The following ZNF559 variants were observed in gnomAD, a reference collection of about 807,000 sequenced individuals.
ZNF559 encodes the protein putative protein product of Nbla00121.
In ZNF559, 17 loss-of-function variants were observed where a neutral mutation model predicts 14.2. That is an observed-to-expected ratio of 1.20 (90% CI 0.82 to 1.80). ZNF559 has a LOEUF of 1.80. ZNF559 is among the 40% of genes most tolerant of loss of function. The pLI is 0.00. For synonymous variants in ZNF559, 244 were observed against 212.4 expected (o/e 1.15, Z -1.29); for missense variants, 740 against 629.7 (o/e 1.18, Z -1.88).
intron 2 of ZNF559, chr19:9,332,925 G>T (rs1226480221): frequency 1.3e-5 from 2 of 152,162 alleles, no homozygotes; most frequent in African/African-American, 4.8e-5. Flanking sequence ...ACCCTTGGAA[G>T]TTCTACATTC....
At chr19:9,334,194 C>G (rs1244683443) in intron 2 of ZNF559, among the ~76,000 whole-genome samples, 1 of 152,200 alleles carries the variant, frequency 6.6e-6, no homozygotes. Flanking sequence ...CATGAATAAA[C>G]CATGCTATAC....
chr19:9,324,136 T>C (rs1186159136), upstream of ZNF559: 1 of 1,533,514 alleles, frequency 6.5e-7, no homozygotes, highest in African/African-American at 1.4e-5. Flanking sequence ...GCCCCCTAGG[T>C]GGTCCTAGCC....
chr19:9,325,224 C>CACGAGGTCAGGA (rs2066514929), intron 2 of ZNF559, among the ~76,000 whole-genome samples: 2 of 151,918 alleles, frequency 1.3e-5, no homozygotes, highest in African/African-American at 4.8e-5. Flanking sequence ...GCTGGAGGAT[C>CACGAGGTCAGGA]GCTTGAGCCC....
chr19:9,339,959 T>G (rs866671287), intron 5 of ZNF559, among the ~76,000 whole-genome samples: 44 of 103,982 alleles, frequency 4.2e-4, no homozygotes, highest in African/African-American at 1.5e-3. Context: ...TTTTTTTTTT[T>G]GTATTTTTAG....
Position 9,324,199 on chromosome 19 carries a change from C to A in ZNF559, c.-235C>A. Reference sequence around the variant, plus strand: ...GGCGCATGCGCATAACGGCCGCCATCTTAACAGCGCGTTCCCGTTGGCGTC... The same window carrying A: ...GGCGCATGCGCATAACGGCCGCCATATTAACAGCGCGTTCCCGTTGGCGTC... On this transcript the variant is annotated 5_prime_UTR_variant, in exon 1 of 7. Transcript: ENST00000603380. The A allele has an allele frequency of 6.5e-7, 1 of 1,536,084 alleles. No homozygotes were observed. The highest frequency in any genetic ancestry group is 8.7e-7 in the Non-Finnish European group (1 of 1,146,876).
At chr19:9,329,076 T>A (rs1037676593) in intron 2 of ZNF559, among the ~76,000 whole-genome samples, 2 of 94,414 alleles carry the variant, frequency 2.1e-5, no homozygotes, top group African/African-American at 1.0e-4. Flanking sequence ...TGTTTTTTTG[T>A]TTTTTGGGCT....
Position 9,338,583 on chromosome 19 carries a change from G to C in ZNF559, c.33+1G>C. ...TGGGTGGTTGACAAATTACTCTCAG[G>C]TAAGTAGGAAATTGCTTTTTCTGTA... On this transcript the variant is annotated splice_donor_variant, in intron 4 of 6. Coordinates refer to ENST00000603380, the MANE Select transcript of ZNF559 (RefSeq NM_032497.3). LOFTEE classifies it high-confidence loss of function. 2 of 1,612,390 alleles carry C rather than the reference G, an allele frequency of 1.2e-6. No individual in the cohort carries two copies. Among genetic ancestry groups the C allele is most frequent in the Non-Finnish European group, 1.7e-6 (2 of 1,178,512 alleles).
In ZNF559 at chr19:9,324,688, C is replaced by A; in HGVS notation, c.-205-7C>A. The A allele has an allele frequency of 6.6e-7, 1 of 1,518,284 alleles. No individual in the cohort carries two copies. Among genetic ancestry groups the A allele is most frequent in the South Asian group, 1.2e-5 (1 of 83,566 alleles). 94.1% of individuals were successfully genotyped at this position (1,518,284 alleles called of 1,614,324 possible). ...CCACATCCAGCGTTGTGCCTTTTCTCTATAAGGAACAGCATCTCTGCCTTC... is the reference window on the plus strand; with the variant it reads ...CCACATCCAGCGTTGTGCCTTTTCTATATAAGGAACAGCATCTCTGCCTTC... On this transcript the variant is annotated splice_region_variant and splice_polypyrimidine_tract_variant and intron_variant, in intron 1 of 6. Transcript: ENST00000603380.
Position 9,342,042 on chromosome 19 carries a change from C to T in ZNF559, c.591C>T (p.Ser197=). Residue 197 remains serine, a synonymous_variant, in exon 7 of 7, where the codon TCC becomes TCT. Transcript: ENST00000603380. ...ACTGTGAAAAAGGCTTACCTTCCTC[C>T]TCACACCTCAGAGAATGTGTAAGAA... The part of the protein sequence containing the change: ...CSDCEKGLPS[S]SHLRECVRIY... 2 of 1,610,874 alleles carry T rather than the reference C, an allele frequency of 1.2e-6. No homozygotes were observed. The highest frequency in any genetic ancestry group is 1.7e-6 in the Non-Finnish European group (2 of 1,178,940).
intron 2 of ZNF559, among the ~76,000 whole-genome samples, chr19:9,328,896 G>T (rs972795088): frequency 1.2e-4 from 19 of 152,232 alleles, no homozygotes; most frequent in African/African-American, 4.6e-4. Flanking sequence ...AAGCCCTCCA[G>T]GTGAAAGTGG....
chr19:9,342,341 A>G lies in ZNF559; in HGVS notation c.890A>G (p.Tyr297Cys), dbSNP rs766581621. Residue 297 changes from tyrosine to cysteine, a missense_variant, in exon 7 of 7, where the codon TAT (tyrosine) becomes TGT (cysteine). By Grantham distance (194) the Tyr-to-Cys change is radical. Coordinates refer to ENST00000603380, the MANE Select transcript of ZNF559 (RefSeq NM_032497.3). ...HIRLRTRGKHYVCNECGKEFT... is the reference protein window; with the variant it reads ...HIRLRTRGKHCVCNECGKEFT... Reference sequence around the variant, plus strand: ...AGACTTAGAACTAGAGGAAAACACTATGTTTGTAATGAATGTGGCAAAGAA... The same window carrying G: ...AGACTTAGAACTAGAGGAAAACACTGTGTTTGTAATGAATGTGGCAAAGAA... 5.0e-6 allele frequency: 8 copies of G among 1,606,084 alleles called. No homozygotes were observed. The highest frequency in any genetic ancestry group is 4.5e-5 in the South Asian group (4 of 89,780).
intron 2 of ZNF559, among the ~76,000 whole-genome samples, chr19:9,333,727 G>A: frequency 7.5e-6 from 1 of 132,722 alleles, no homozygotes; most frequent in Non-Finnish European, 1.6e-5. Context: ...AATAAGAGGA[G>A]ATAATTCCTA....
At chr19:9,341,309 T>G (rs767083677) in intron 6 of ZNF559, 125 bp downstream of exon 6, 1 of 940,072 alleles carries the variant, frequency 1.1e-6, no homozygotes, top group Non-Finnish European at 1.7e-6. Flanking sequence ...CCAAAAATAA[T>G]CTGTCTCTTG....
chr19:9,341,501 C>A, intron 6 of ZNF559, 194 bp from the exon 7 acceptor site: 1 of 1,021,988 alleles, frequency 9.8e-7, no homozygotes, highest in Non-Finnish European at 1.5e-6. Flanking sequence ...TATAACAGAA[C>A]TTCCTGCAGT....
rs183965955 is a variant in ZNF559 at position 9,333,916 on chromosome 19, A to G, written c.-119-3880A>G. 4.6e-5 allele frequency among the ~76,000 whole-genome samples: 7 copies of G among 152,328 alleles called. No homozygotes were observed. The East Asian group carries it at 5.8e-4, about 13-fold the overall frequency. ...AAAAATTGAAGTTTTTATCCTCATCAATAATCAGGCAAATGGAAATTAAAT... is the reference window on the plus strand; with the variant it reads ...AAAAATTGAAGTTTTTATCCTCATCGATAATCAGGCAAATGGAAATTAAAT... On this transcript the variant is annotated intron_variant, in intron 2 of 6. Transcript: ENST00000603380.
rs918006877 is a variant in ZNF559 at position 9,345,354 on chromosome 19, T to C, written c.*2286T>C. ...GATCAGATCATATGTTAGTGTACGT[T>C]TAAGTTTTTAAGAGACTGCTAAACC... On this transcript the variant is annotated 3_prime_UTR_variant, in exon 7 of 7. Transcript: ENST00000603380. The C allele has an allele frequency of 2.0e-5, 3 of 152,234 alleles. No homozygotes were observed. Among genetic ancestry groups the C allele is most frequent in the African/African-American group, 7.2e-5 (3 of 41,476 alleles). 9.4% of individuals were successfully genotyped at this position (152,234 alleles called of 1,614,324 possible).
At chr19:9,323,875 T>C (rs982191510), upstream of ZNF559, 6 of 463,590 alleles carry the variant, frequency 1.3e-5, no homozygotes, top group South Asian at 3.1e-5. Flanking sequence ...GCTTGGCCAG[T>C]TCCCACACTG....
At chr19:9,329,174 C>G (rs2066803240) in intron 2 of ZNF559, among the ~76,000 whole-genome samples, 1 of 152,098 alleles carries the variant, frequency 6.6e-6, no homozygotes, top group Non-Finnish European at 1.5e-5. Context: ...ATTCCTGTTT[C>G]ATAAATGGAA....
chr19:9,324,164 TG>T, upstream of ZNF559: 1 of 1,535,972 alleles, frequency 6.5e-7, no homozygotes, highest in Non-Finnish European at 8.7e-7. Flanking sequence ...GTGCGCGGCG[TG>T]TCTGCGTGGG....
Sources: allele counts gnomAD v4.1 joint callset (sites outside exome capture counted in the v4.1 genomes callset), GRCh38; gene constraint gnomAD v4.1.1; transcripts MANE v1.5; gene names NCBI Gene and HGNC (gene_info 2026-07-23, HGNC 2026-07-21).